The following AHSA1 variants were observed in gnomAD, a reference collection of about 807,000 sequenced individuals.
The protein encoded by AHSA1 is activator of HSP90 ATPase activity 1, also known as activator of 90 kDa heat shock protein ATPase homolog 1.
A neutral mutation model predicts 46.1 loss-of-function variants in AHSA1; 14 were observed. The ratio of observed to expected loss-of-function variants is 0.30; its 90% confidence interval spans 0.20 to 0.47. AHSA1 has a LOEUF of 0.47. Among genes scored for constraint, AHSA1 ranks in the 20% least tolerant of loss-of-function variants. AHSA1 has a pLI of 0.99. For missense variants in AHSA1, 333 were observed against 415.9 expected (o/e 0.80, Z 1.73); for synonymous variants, 147 against 145.8 (o/e 1.01, Z -0.06).
intron 6 of AHSA1, among the ~76,000 whole-genome samples, chr14:77,467,026 TA>T (rs2079050336): frequency 6.6e-6 from 1 of 152,206 alleles, no homozygotes; most frequent in South Asian, 2.1e-4. Context: ...TTACCTACTT[TA>T]AAAAATAGTA....
At position 77,459,824 on chromosome 14, in the gene AHSA1, T is replaced by C; in HGVS notation, c.271+18T>C. 1 of 1,613,364 alleles carries C rather than the reference T, an allele frequency of 6.2e-7. No homozygotes were observed. The highest frequency in any genetic ancestry group is 1.1e-5 in the South Asian group (1 of 91,064). ...CTGGACAGGTAAGTCTAAGCTGGGC[T>C]GTCAGAGAGATTAACTGTGTTTTGT... On this transcript the variant is annotated intron_variant, in intron 2 of 8. Transcript: ENST00000216479.
Position 77,465,651 on chromosome 14 carries a change from T to G in AHSA1, c.674T>G (p.Val225Gly), listed in dbSNP as rs1282643976. Residue 225 changes from valine (V) to glycine (G), a missense_variant, in exon 6 of 9, where the codon GTG (valine) becomes GGG (glycine). Val to Gly is a moderately radical substitution (Grantham distance 109, BLOSUM62 -3). Transcript: ENST00000216479. ...ACGTCACCAGAGGAGCTCTATAGAG[T>G]GTTTACCACCCAAGAGGTAAGTAAG... ...FLTSPEELYR[V>G]FTTQELVQAF... is the part of the protein sequence containing the mutation. The G allele has an allele frequency of 6.2e-7, 1 of 1,613,540 alleles. No individual in the cohort carries two copies.
intron 8 of AHSA1, 54 bp downstream of exon 8, chr14:77,468,562 ATTT>A (rs36001778): frequency 1.2e-3 from 1,287 of 1,086,174 alleles, no homozygotes; most frequent in Middle Eastern, 1.3e-3. Flanking sequence ...CTTTGCTGTA[ATTT>A]TTTTTTTTTT....
At chr14:77,468,905 A>T in intron 8 of AHSA1, 172 bp from the exon 9 acceptor site, 2 of 710,260 alleles carry the variant, frequency 2.8e-6, no homozygotes, top group South Asian at 1.8e-5. Flanking sequence ...ATGGAGTTTC[A>T]CCATGTTAGC....
chr14:77,463,846 G>A (rs1803984198), intron 4 of AHSA1, among the ~76,000 whole-genome samples: 2 of 152,186 alleles, frequency 1.3e-5, no homozygotes, highest in Non-Finnish European at 2.9e-5. Context: ...GTGATGGAAG[G>A]TGATAGACAC....
intron 5 of AHSA1, among the ~76,000 whole-genome samples, 188 bp from the exon 6 acceptor site, chr14:77,465,350 AG>A (rs1409045248): frequency 8.5e-5 from 13 of 152,240 alleles, no homozygotes; most frequent in African/African-American, 3.1e-4. Flanking sequence ...GGAATTGAGG[AG>A]GTTTCCAGAA....
chr14:77,467,080 C>T (rs1321051406), intron 6 of AHSA1, among the ~76,000 whole-genome samples: 1 of 152,128 alleles, frequency 6.6e-6, no homozygotes, highest in Non-Finnish European at 1.5e-5. Flanking sequence ...GGTAATCGAA[C>T]ACAGCAAAAT....
At chr14:77,468,637 A>T in intron 8 of AHSA1, 129 bp downstream of exon 8, 2 of 851,052 alleles carry the variant, frequency 2.4e-6, no homozygotes, top group Non-Finnish European at 3.7e-6. Flanking sequence ...ATCACAGCAA[A>T]CTGCAGCCTT....
At chr14:77,468,753 TA>T (rs748276245) in intron 8 of AHSA1, 10,909 of 352,322 alleles carry the variant, frequency 0.031, 2 homozygotes, top group East Asian at 0.11. Flanking sequence ...TTTACTTTTT[TA>T]CTTTTTTTGT....
At chr14:77,463,723 A>G (rs1019265041) in intron 4 of AHSA1, among the ~76,000 whole-genome samples, 5 of 152,210 alleles carry the variant, frequency 3.3e-5, no homozygotes, top group Non-Finnish European at 7.3e-5. Flanking sequence ...TGCACTCTCC[A>G]GGGATATTTA....
At chr14:77,461,814 C>T (rs998878172) in intron 2 of AHSA1, among the ~76,000 whole-genome samples, 1 of 152,178 alleles carries the variant, frequency 6.6e-6, no homozygotes, top group Non-Finnish European at 1.5e-5. Flanking sequence ...AAATTGTTCC[C>T]TAATATTTCA....
intron 1 of AHSA1, among the ~76,000 whole-genome samples, chr14:77,459,160 T>G (rs1318504245): frequency 6.6e-6 from 1 of 152,212 alleles, no homozygotes; most frequent in Non-Finnish European, 1.5e-5. Context: ...GTAGGAAGTT[T>G]ATAATGCAAG....
Position 77,464,524 on chromosome 14 carries a change from G to T in AHSA1, c.473-74G>T, listed in dbSNP as rs967783603. 4.7e-6 allele frequency: 6 copies of T among 1,277,814 alleles called. No individual in the cohort carries two copies. The African/African-American group carries it at 8.9e-5, about 19-fold the overall frequency. The allele number at this position is 1,277,814 out of a possible 1,614,324, so 79.2% of individuals were successfully genotyped here. Reference sequence around the variant, plus strand: ...ATTCTGTGGTAGGATGGCTGTGTTTGTCAAGCTGTAATGAAACTCCAGATC... The same window carrying T: ...ATTCTGTGGTAGGATGGCTGTGTTTTTCAAGCTGTAATGAAACTCCAGATC... On this transcript the variant is annotated intron_variant, in intron 4 of 8. Transcript: ENST00000216479.
intron 8 of AHSA1, 190 bp downstream of exon 8, chr14:77,468,698 G>A (rs577166168): frequency 4.5e-5 from 22 of 487,380 alleles, no homozygotes; most frequent in South Asian, 3.4e-4. Context: ...AAGTAGCTGA[G>A]ACTACGTGTG....
chr14:77,461,870 GAAC>G (rs1355914553), intron 2 of AHSA1, among the ~76,000 whole-genome samples: 1 of 152,232 alleles, frequency 6.6e-6, no homozygotes, highest in Non-Finnish European at 1.5e-5. Context: ...TATTCTAGCA[GAAC>G]TACTGGCTTT....
chr14:77,462,368 A>G, intron 3 of AHSA1, 126 bp downstream of exon 3: 1 of 947,604 alleles, frequency 1.1e-6, no homozygotes, highest in African/African-American at 1.7e-5. Context: ...TAGCCTGCAG[A>G]TAATTTTCTA....
Position 77,459,921 on chromosome 14 carries a change from C to T in AHSA1, c.271+115C>T, listed in dbSNP as rs909793686. The T allele has an allele frequency of 1.1e-5, 13 of 1,202,680 alleles. No individual in the cohort carries two copies. In the East Asian group the frequency reaches 3.1e-4, roughly 29 times the overall value. 74.5% of individuals were successfully genotyped at this position (1,202,680 alleles called of 1,614,324 possible). On this transcript the variant is annotated intron_variant, in intron 2 of 8. Transcript: ENST00000216479. ...CCTTGAAGGGAGAAGGCAGATGTTGCTGCTTTGGAGTCCTATGTAAAGCAG... is the reference window on the plus strand; with the variant it reads ...CCTTGAAGGGAGAAGGCAGATGTTGTTGCTTTGGAGTCCTATGTAAAGCAG...
upstream of AHSA1, chr14:77,457,927 T>A (rs2078991064): frequency 2.0e-6 from 1 of 506,608 alleles, no homozygotes. Context: ...TTCGGGACGC[T>A]TTTTGGGGAG....
At chr14:77,461,542 G>A (rs2079025004) in intron 2 of AHSA1, among the ~76,000 whole-genome samples, 1 of 152,100 alleles carries the variant, frequency 6.6e-6, no homozygotes, top group Admixed American at 6.6e-5. Flanking sequence ...GGGGGGAAAA[G>A]GTGGGCATCA....
Sources: gnomAD v4.1 joint callset for allele counts (sites outside exome capture counted in the v4.1 genomes callset) on GRCh38, gnomAD v4.1.1 for gene constraint, MANE v1.5 for transcripts, NCBI Gene and HGNC (gene_info 2026-07-23, HGNC 2026-07-21) for gene names.